Variants in SMAD2 observed in about 807,000 individuals in gnomAD.
SMAD2 encodes the protein MAD homolog 2.
SMAD2 carries 8 observed loss-of-function variants against 64.4 expected under a neutral mutation model. The observed-to-expected ratio is 0.12, with a 90% confidence interval of 0.07 to 0.22. The LOEUF is 0.22. Ranked by LOEUF, SMAD2 falls within the 10% of genes least tolerant of loss-of-function variation. The pLI is 1.00. For missense variants in SMAD2, 289 were observed against 561.2 expected, an observed-to-expected ratio of 0.51 and a Z score of 4.90; for synonymous variants, 203 against 195.8, an observed-to-expected ratio of 1.04 and a Z score of -0.31.
intron 1 of SMAD2, among the ~76,000 whole-genome samples, chr18:47,899,630 G>A (rs1198407946): frequency 6.6e-6 from 1 of 152,092 alleles, no homozygotes. Flanking sequence ...AAGCTAATCT[G>A]GAGACCTAAA....
At chr18:47,924,180 G>A (rs74396453) in intron 1 of SMAD2, among the ~76,000 whole-genome samples, 5 of 150,552 alleles carry the variant, frequency 3.3e-5, no homozygotes, top group African/African-American at 9.8e-5. Flanking sequence ...CCTAGGAGGC[G>A]GAGGTTGCAG....
intron 1 of SMAD2, among the ~76,000 whole-genome samples, chr18:47,899,217 T>C (rs1598860197): frequency 2.0e-5 from 3 of 152,156 alleles, no homozygotes; most frequent in East Asian, 1.9e-4. Flanking sequence ...TACGAAGTAT[T>C]TGGGGAACAT....
intron 2 of SMAD2, among the ~76,000 whole-genome samples, chr18:47,885,140 C>T (rs879491881): frequency 0.22 from 11,316 of 51,946 alleles, 731 homozygotes; most frequent in African/African-American, 0.37. Context: ...TATACACACA[C>T]ACACACACAC....
At chr18:47,896,123 C>T (rs1242109030) in intron 2 of SMAD2, among the ~76,000 whole-genome samples, 1 of 152,172 alleles carries the variant, frequency 6.6e-6, no homozygotes, top group Non-Finnish European at 1.5e-5. Context: ...CAAAGAAAAA[C>T]CATATAAAAT....
chr18:47,868,301 G>A (rs1379269807), intron 5 of SMAD2, 22 bp downstream of exon 5: 1 of 1,604,088 alleles, frequency 6.2e-7, no homozygotes, highest in Non-Finnish European at 8.5e-7. Context: ...CAAGTTTTAG[G>A]AGATTCAGAA....
Position 47,809,764 on chromosome 18 carries a change from G to A in SMAD2, c.*32063C>T, listed in dbSNP as rs1055906354. 1.3e-5 allele frequency: 2 copies of A among 152,178 alleles called. No homozygotes were observed. The highest frequency in any genetic ancestry group is 2.9e-5 in the Non-Finnish European group (2 of 68,046). 9.4% of individuals were successfully genotyped at this position (152,178 alleles called of 1,614,324 possible). A position where few individuals can be genotyped will look rare whatever the true frequency, so the allele number is the denominator to read the frequency against. On this transcript the variant is annotated 3_prime_UTR_variant, in exon 11 of 11. Transcript: ENST00000262160. ...TCTTTGCCTGAAGATGAAGCTTTCAGGCAGATGTTATTTTTTCCCACTATG... is the reference window on the plus strand; with the variant it reads ...TCTTTGCCTGAAGATGAAGCTTTCAAGCAGATGTTATTTTTTCCCACTATG...
intron 9 of SMAD2, 55 bp from the exon 10 acceptor site, chr18:47,845,539 A>G: frequency 6.3e-7 from 1 of 1,582,402 alleles, no homozygotes; most frequent in South Asian, 1.1e-5. Flanking sequence ...ATTAAAAAGT[A>G]ATTTTAAAAG....
intron 1 of SMAD2, among the ~76,000 whole-genome samples, chr18:47,927,238 C>T (rs532466305): frequency 1.3e-5 from 2 of 152,262 alleles, no homozygotes; most frequent in East Asian, 1.9e-4. Context: ...AAAGACTGGC[C>T]GTATCTTCAG....
chr18:47,913,233 G>A (rs1293178177), intron 1 of SMAD2, among the ~76,000 whole-genome samples: 7 of 152,118 alleles, frequency 4.6e-5, no homozygotes, highest in African/African-American at 7.2e-5. Flanking sequence ...TTACACTTTC[G>A]TTAGGAGAAA....
chr18:47,916,670 G>A (rs2034349467), intron 1 of SMAD2, among the ~76,000 whole-genome samples: 1 of 152,016 alleles, frequency 6.6e-6, no homozygotes, highest in Non-Finnish European at 1.5e-5. Flanking sequence ...TCCCAAAGTG[G>A]TAGCCACCAT....
chr18:47,918,917 G>C (rs1237427326), intron 1 of SMAD2, among the ~76,000 whole-genome samples: 1 of 152,086 alleles, frequency 6.6e-6, no homozygotes, highest in Non-Finnish European at 1.5e-5. Context: ...CAGAGTAGGG[G>C]AGTCAAATAG....
At chr18:47,852,992 A>AGCAT (rs1264647555) in intron 6 of SMAD2, among the ~76,000 whole-genome samples, 1 of 152,230 alleles carries the variant, frequency 6.6e-6, no homozygotes. Flanking sequence ...TACCTAAAAG[A>AGCAT]GCATGACCCA....
intron 1 of SMAD2, among the ~76,000 whole-genome samples, chr18:47,909,965 T>C (rs189230900): frequency 5.9e-5 from 9 of 152,042 alleles, no homozygotes; most frequent in Admixed American, 5.9e-4. Flanking sequence ...ACCGTCAATG[T>C]TACAAAAAAG....
Position 47,833,176 on chromosome 18 carries a change from C to T in SMAD2, c.*8651G>A, listed in dbSNP as rs1315218737. ...TTCAACGGTGACAGGGCTGTTAACA[C>T]AGGTAAGAGCAAACAAGGTAAAAAG... On this transcript the variant is annotated 3_prime_UTR_variant, in exon 11 of 11. Coordinates refer to ENST00000262160, the MANE Select transcript of SMAD2 (RefSeq NM_005901.6). 1.5e-5 allele frequency: 3 copies of T among 206,594 alleles called. No individual in the cohort carries two copies. The allele number at this position is 206,594 out of a possible 1,614,324, so 12.8% of individuals were successfully genotyped here.
chr18:47,849,318 C>T (rs1411543288), intron 7 of SMAD2, among the ~76,000 whole-genome samples: 1 of 151,898 alleles, frequency 6.6e-6, no homozygotes, highest in East Asian at 1.9e-4. Flanking sequence ...CACTGGAAAA[C>T]TATATATTTA....
chr18:47,872,036 G>C (rs1255563718), intron 2 of SMAD2, among the ~76,000 whole-genome samples: 1 of 152,170 alleles, frequency 6.6e-6, no homozygotes, highest in Non-Finnish European at 1.5e-5. Context: ...AGAGCATGAA[G>C]TTTACATTGT....
chr18:47,872,374 G>A (rs951569723), intron 2 of SMAD2, among the ~76,000 whole-genome samples: 6 of 151,740 alleles, frequency 4.0e-5, no homozygotes, highest in South Asian at 2.1e-4. Context: ...TCAACCAACC[G>A]TGGATCAAAA....
intron 1 of SMAD2, among the ~76,000 whole-genome samples, chr18:47,899,978 C>T (rs544909641): frequency 6.6e-5 from 10 of 152,204 alleles, no homozygotes; most frequent in African/African-American, 1.9e-4. Context: ...CCCAAGGATG[C>T]CACTTACTAG....
chr18:47,922,034 T>C (rs969441808), intron 1 of SMAD2, among the ~76,000 whole-genome samples: 1 of 151,996 alleles, frequency 6.6e-6, no homozygotes, highest in African/African-American at 2.4e-5. Context: ...GGAAGGGAAA[T>C]GTGAAAAAGA....
Sources: gnomAD v4.1 joint callset for allele counts (sites outside exome capture counted in the v4.1 genomes callset) on GRCh38, gnomAD v4.1.1 for gene constraint, MANE v1.5 for transcripts, NCBI Gene and HGNC (gene_info 2026-07-23, HGNC 2026-07-21) for gene names.